METTL15: variants seen among roughly 807,000 people sequenced by gnomAD.
METTL15 encodes methyltransferase 15, mitochondrial 12S rRNA N4-cytidine.
A neutral mutation model predicts 38.3 loss-of-function variants in METTL15; 34 were observed. The observed-to-expected ratio is 0.89, with a 90% CI of 0.68 to 1.18. The LOEUF is 1.18. METTL15 is among the 50% of genes most tolerant of loss of function. The pLI is 0.00. For synonymous variants in METTL15, 162 were observed against 170.9 expected (o/e 0.95, Z 0.41); for missense variants, 438 against 498.4 (o/e 0.88, Z 1.15).
intron 5 of METTL15, among the ~76,000 whole-genome samples, chr11:28,292,727 C>T (rs1856568488): frequency 6.6e-6 from 1 of 152,092 alleles, no homozygotes; most frequent in Non-Finnish European, 1.5e-5. Context: ...CCTGTTGTTT[C>T]CTGACTTTTT....
At chr11:28,150,521 G>A (rs1042660774) in intron 3 of METTL15, among the ~76,000 whole-genome samples, 2 of 151,714 alleles carry the variant, frequency 1.3e-5, no homozygotes, top group African/African-American at 4.8e-5. Context: ...GAAAAGGTGA[G>A]GATATTGAAT....
chr11:28,424,807 A>G (rs1850850639), intron 6 of METTL15, among the ~76,000 whole-genome samples: 1 of 152,132 alleles, frequency 6.6e-6, no homozygotes, highest in South Asian at 2.1e-4. Flanking sequence ...CTGGTATGAC[A>G]CCAGACATTC....
chr11:28,245,545 A>G (rs1022351290), intron 4 of METTL15, among the ~76,000 whole-genome samples: 4 of 152,216 alleles, frequency 2.6e-5, no homozygotes, highest in Non-Finnish European at 5.9e-5. Context: ...AGATGATAGT[A>G]TTCAACCTGA....
At chr11:28,114,248 A>G (rs1851847726) in intron 3 of METTL15, among the ~76,000 whole-genome samples, 1 of 152,014 alleles carries the variant, frequency 6.6e-6, no homozygotes, top group African/African-American at 2.4e-5. Flanking sequence ...GGCATTTTTT[A>G]TCTGCCTTCT....
intron 5 of METTL15, among the ~76,000 whole-genome samples, chr11:28,379,531 A>C (rs939854220): frequency 2.6e-5 from 4 of 152,022 alleles, no homozygotes; most frequent in Non-Finnish European, 5.9e-5. Context: ...GATTCTTCTT[A>C]TTATTAAATT....
intron 4 of METTL15, among the ~76,000 whole-genome samples, chr11:28,225,489 T>C (rs781008980): frequency 2.0e-5 from 3 of 151,802 alleles, no homozygotes; most frequent in African/African-American, 7.2e-5. Context: ...TTTATAGATA[T>C]CACTCATTTT....
intron 3 of METTL15, among the ~76,000 whole-genome samples, chr11:28,198,930 C>T (rs1232625970): frequency 6.6e-6 from 1 of 151,698 alleles, no homozygotes. Flanking sequence ...AGAACAATAG[C>T]TTGCCTTAGC....
chr11:28,250,001 T>G (rs1390900502), intron 4 of METTL15, among the ~76,000 whole-genome samples: 1 of 152,018 alleles, frequency 6.6e-6, no homozygotes, highest in East Asian at 1.9e-4. Flanking sequence ...TGAGTTAGTT[T>G]GCTTAGGATA....
chr11:28,232,205 G>A lies in METTL15; in HGVS notation c.407+21007G>A, dbSNP rs1013470810. Among the ~76,000 whole-genome samples, 7 of 152,000 alleles carry A rather than the reference G, an allele frequency of 4.6e-5. No homozygotes were observed. In the South Asian group the frequency reaches 8.3e-4, roughly 18 times the overall value. ...GTAAATATTTATGTAAAAATGTTAA[G>A]TGATAAACCCTGATTAGATATACCA... On this transcript the variant is annotated intron_variant, in intron 4 of 6. Coordinates refer to ENST00000407364, the MANE Select transcript of METTL15 (RefSeq NM_001113528.2).
intron 3 of METTL15, among the ~76,000 whole-genome samples, chr11:28,164,495 A>G (rs1850586397): frequency 6.6e-6 from 1 of 151,994 alleles, no homozygotes; most frequent in Admixed American, 6.6e-5. Context: ...ATTTTCTTTC[A>G]CTTTGGAAAA....
At chr11:28,463,936 C>A (rs1467118312) in intron 6 of METTL15, among the ~76,000 whole-genome samples, 1 of 152,028 alleles carries the variant, frequency 6.6e-6, no homozygotes, top group African/African-American at 2.4e-5. Flanking sequence ...CAAGTGTAAT[C>A]CTTCCTCATG....
chr11:28,445,193 C>T (rs1851065355), intron 6 of METTL15, among the ~76,000 whole-genome samples: 1 of 152,174 alleles, frequency 6.6e-6, no homozygotes, highest in South Asian at 2.1e-4. Flanking sequence ...AGTGTTTCAA[C>T]ATTAACGTCC....
intron 6 of METTL15, chr11:28,517,220 C>T (rs1295199626): frequency 6.6e-6 from 1 of 152,014 alleles, no homozygotes; most frequent in Admixed American, 6.6e-5. Flanking sequence ...CCAACAAACC[C>T]CCAATCAATT....
intron 5 of METTL15, among the ~76,000 whole-genome samples, chr11:28,379,154 A>G (rs1318407416): frequency 4.0e-5 from 6 of 151,394 alleles, no homozygotes; most frequent in African/African-American, 1.5e-4. Flanking sequence ...ATCTTTTCAG[A>G]AAACCACCTT....
intron 3 of METTL15, among the ~76,000 whole-genome samples, chr11:28,122,700 A>G: frequency 6.6e-6 from 1 of 151,746 alleles, no homozygotes; most frequent in East Asian, 1.9e-4. Context: ...TCATGAAAAT[A>G]TGCTTGTTTT....
At chr11:28,346,666 CA>C (rs1849998446) in intron 3 of METTL15, among the ~76,000 whole-genome samples, 1 of 152,108 alleles carries the variant, frequency 6.6e-6, no homozygotes, top group Non-Finnish European at 1.5e-5. Flanking sequence ...TTTTCAAAAT[CA>C]AAAATACTTT....
intron 5 of METTL15, among the ~76,000 whole-genome samples, chr11:28,291,042 A>G (rs971285544): frequency 1.4e-5 from 2 of 145,104 alleles, no homozygotes; most frequent in Admixed American, 1.4e-4. Context: ...TGTAGAAATA[A>G]TTCTTTTCTT....
chr11:28,372,564 A>G (rs942541081), intron 5 of METTL15, among the ~76,000 whole-genome samples: 1 of 151,808 alleles, frequency 6.6e-6, no homozygotes, highest in Non-Finnish European at 1.5e-5. Flanking sequence ...ACATTTCTTA[A>G]AAATAACAGT....
At chr11:28,223,819 A>G (rs984241284) in intron 4 of METTL15, among the ~76,000 whole-genome samples, 1 of 152,108 alleles carries the variant, frequency 6.6e-6, no homozygotes, top group Non-Finnish European at 1.5e-5. Flanking sequence ...AGACTGTATA[A>G]GAGGAAACAC....
Sources: allele counts gnomAD v4.1 joint callset (sites outside exome capture counted in the v4.1 genomes callset), GRCh38; gene constraint gnomAD v4.1.1; transcripts MANE v1.5; gene names NCBI Gene and HGNC (gene_info 2026-07-23, HGNC 2026-07-21).